PRKAR1B: variants seen among roughly 807,000 people sequenced by gnomAD.
The protein encoded by PRKAR1B is protein kinase cAMP-dependent type I regulatory subunit beta.
PRKAR1B carries 22 observed loss-of-function variants against 46.5 expected under a neutral mutation model. The ratio of observed to expected loss-of-function variants is 0.47; its 90% CI spans 0.34 to 0.68. PRKAR1B has a LOEUF of 0.68. Ranked by LOEUF, PRKAR1B falls within the 30% of genes least tolerant of loss-of-function variation. PRKAR1B has a pLI of 0.01. For synonymous variants in PRKAR1B, 259 were observed against 217.7 expected (o/e 1.19, Z -1.67); for missense variants, 445 against 535.6 (o/e 0.83, Z 1.67).
intron 4 of PRKAR1B, among the ~76,000 whole-genome samples, chr7:676,386 C>A (rs1173749175): frequency 1.3e-5 from 2 of 152,220 alleles, no homozygotes; most frequent in Non-Finnish European, 2.9e-5. Context: ...GGCCTCCGAG[C>A]TCCCGGCACA....
chr7:617,720 A>G (rs1487513367), intron 4 of PRKAR1B, among the ~76,000 whole-genome samples: 1 of 152,178 alleles, frequency 6.6e-6, no homozygotes, highest in Non-Finnish European at 1.5e-5. Context: ...GGCAGGAGGC[A>G]GAGCCTGGGC....
In PRKAR1B at chr7:627,299, A is replaced by G. The variant is rs530060234; in HGVS notation, c.441-19847T>C. On this transcript the variant is annotated intron_variant, in intron 4 of 10. Transcript: ENST00000537384. ...GCCACAGGGCCTGGCCCCAAAAGAT[A>G]ACATTTTAATCAGCACTGGCGGAGG... is the stretch of plus-strand genomic sequence containing the variant. 5.3e-5 allele frequency among the ~76,000 whole-genome samples: 8 copies of G among 152,314 alleles called. No homozygotes were observed. In the East Asian group the frequency reaches 1.5e-3, roughly 29 times the overall value.
At chr7:664,223 C>G (rs886192947) in intron 4 of PRKAR1B, among the ~76,000 whole-genome samples, 7 of 152,154 alleles carry the variant, frequency 4.6e-5, no homozygotes, top group Non-Finnish European at 7.3e-5. Context: ...GACCAGGGCT[C>G]AAGAATGGAG....
chr7:595,414 G>A (rs1037283263), intron 7 of PRKAR1B, among the ~76,000 whole-genome samples: 4 of 152,158 alleles, frequency 2.6e-5, no homozygotes, highest in Non-Finnish European at 4.4e-5. Flanking sequence ...GGGTGTTCAC[G>A]GCCGCCTCCA....
intron 4 of PRKAR1B, among the ~76,000 whole-genome samples, chr7:658,276 A>G (rs987919690): frequency 5.3e-5 from 8 of 152,108 alleles, no homozygotes; most frequent in African/African-American, 1.4e-4. Flanking sequence ...CTCTACAAAA[A>G]AAATTAAAAA....
chr7:627,718 C>G (rs532263353), intron 4 of PRKAR1B, among the ~76,000 whole-genome samples: 1 of 152,134 alleles, frequency 6.6e-6, no homozygotes, highest in South Asian at 2.1e-4. Flanking sequence ...CAGAGCCCCC[C>G]GCCCAGCTCA....
At chr7:663,624 C>T (rs1002458262) in intron 4 of PRKAR1B, among the ~76,000 whole-genome samples, 5 of 152,106 alleles carry the variant, frequency 3.3e-5, no homozygotes, top group African/African-American at 1.2e-4. Context: ...AGGGTCCTGG[C>T]CCTACACAGA....
intron 2 of PRKAR1B, among the ~76,000 whole-genome samples, chr7:707,491 G>A (rs1027552777): frequency 7.2e-5 from 11 of 152,102 alleles, no homozygotes; most frequent in Non-Finnish European, 1.3e-4. Flanking sequence ...CCCTGCCCAC[G>A]CCCAAGAAGG....
chr7:575,021 A>C lies in PRKAR1B; in HGVS notation c.891+4235T>G, dbSNP rs546226679. 3.9e-4 allele frequency among the ~76,000 whole-genome samples: 60 copies of C among 152,346 alleles called. No individual in the cohort carries two copies. The South Asian group carries it at 0.012, about 32-fold the overall frequency. On this transcript the variant is annotated intron_variant, in intron 9 of 10. Transcript: ENST00000537384. ...CAAGGAAGGGCTCTACTGACGTACT[A>C]ATTTCAGTAGCGAGAACTGGTGATA...
chr7:575,210 C>T (rs977413622), intron 9 of PRKAR1B, among the ~76,000 whole-genome samples: 9 of 152,318 alleles, frequency 5.9e-5, no homozygotes, highest in South Asian at 2.1e-4. Flanking sequence ...ACCCAGCTGG[C>T]GGGACGTCCA....
At chr7:651,843 A>AAC (rs1784919401) in intron 4 of PRKAR1B, among the ~76,000 whole-genome samples, 4 of 65,106 alleles carry the variant, frequency 6.1e-5, no homozygotes, top group Non-Finnish European at 8.8e-5. Context: ...ACCCACACGG[A>AAC]GCTAGGAACC....
At chr7:647,389 C>T (rs969137288) in intron 4 of PRKAR1B, among the ~76,000 whole-genome samples, 2 of 152,098 alleles carry the variant, frequency 1.3e-5, no homozygotes, top group African/African-American at 4.8e-5. Flanking sequence ...GTAGCCTCCT[C>T]GTCCTCTCCC....
chr7:630,051 C>T (rs935254109), intron 4 of PRKAR1B, among the ~76,000 whole-genome samples: 3 of 139,508 alleles, frequency 2.2e-5, no homozygotes, highest in Admixed American at 7.1e-5. Context: ...GCTGCAGGAG[C>T]GGGACCACGG....
chr7:605,545 GTATC>G (rs1781978841), intron 6 of PRKAR1B, among the ~76,000 whole-genome samples: 1 of 152,226 alleles, frequency 6.6e-6, no homozygotes, highest in Non-Finnish European at 1.5e-5. Flanking sequence ...ATACATATAT[GTATC>G]TATTTTATAC....
intron 8 of PRKAR1B, among the ~76,000 whole-genome samples, chr7:583,438 A>ACGC (rs143987538): frequency 0.018 from 2,104 of 117,064 alleles, 52 homozygotes; most frequent in East Asian, 0.076. Flanking sequence ...ACACACCCAC[A>ACGC]GTGCACACTC....
At chr7:697,710 T>C (rs1779817948) in intron 2 of PRKAR1B, among the ~76,000 whole-genome samples, 1 of 151,572 alleles carries the variant, frequency 6.6e-6, no homozygotes, top group Non-Finnish European at 1.5e-5. Flanking sequence ...TCCCCAGCCA[T>C]GAGGCGGGGA....
chr7:646,931 C>T (rs577664051), intron 4 of PRKAR1B, among the ~76,000 whole-genome samples: 2 of 152,324 alleles, frequency 1.3e-5, no homozygotes, highest in East Asian at 1.9e-4. Flanking sequence ...AGGGCGGCAG[C>T]GGTACACCTG....
chr7:722,132 G>T (rs1238227268), intron 1 of PRKAR1B, among the ~76,000 whole-genome samples: 15 of 105,982 alleles, frequency 1.4e-4, no homozygotes, highest in African/African-American at 3.7e-5. Context: ...ATGGAGTCTT[G>T]CTCTGTCACC....
intron 1 of PRKAR1B, among the ~76,000 whole-genome samples, chr7:723,867 G>A (rs1781160786): frequency 6.6e-6 from 1 of 152,222 alleles, no homozygotes; most frequent in Admixed American, 6.5e-5. Flanking sequence ...ACCAGGCTGG[G>A]CAGCTGAATG....
Sources: allele counts gnomAD v4.1 joint callset (sites outside exome capture counted in the v4.1 genomes callset), GRCh38; gene constraint gnomAD v4.1.1; transcripts MANE v1.5; gene names NCBI Gene and HGNC (gene_info 2026-07-23, HGNC 2026-07-21).